GDA: variants seen among roughly 807,000 people sequenced by gnomAD.
GDA encodes cytoplasmic PSD-95 interactor.
In GDA, 18 loss-of-function variants were observed where a neutral mutation model predicts 59.6. That is an observed-to-expected ratio of 0.30 (90% CI 0.21 to 0.45). The LOEUF is 0.45. GDA is among the 20% of genes least tolerant of loss of function. The pLI, the probability that GDA is intolerant of heterozygous loss-of-function variation, is 1.00. For synonymous variants in GDA, 201 were observed against 201.1 expected, an observed-to-expected ratio of 1.00 and a Z score of 0.00; for missense variants, 427 against 552.3, an observed-to-expected ratio of 0.77 and a Z score of 2.27.
At chr9:72,214,101 G>A in intron 5 of GDA, 110 bp downstream of exon 5, 1 of 656,436 alleles carries the variant, frequency 1.5e-6, no homozygotes, top group Non-Finnish European at 2.7e-6. Context: ...CAGTTGGGAT[G>A]TGCACATAGT....
intron 1 of GDA, among the ~76,000 whole-genome samples, chr9:72,185,214 CTG>C (rs1169556703): frequency 6.6e-6 from 1 of 152,208 alleles, no homozygotes; most frequent in Non-Finnish European, 1.5e-5. Context: ...TTTAGGGAAA[CTG>C]TGCTGATCCT....
At chr9:72,166,290 A>G (rs1243298112) in intron 1 of GDA, among the ~76,000 whole-genome samples, 1 of 152,186 alleles carries the variant, frequency 6.6e-6, no homozygotes, top group Non-Finnish European at 1.5e-5. Flanking sequence ...TAAGGGAACA[A>G]GATTTGGAAA....
chr9:72,121,301 A>G (rs1263536499), intron 1 of GDA, among the ~76,000 whole-genome samples: 1 of 152,166 alleles, frequency 6.6e-6, no homozygotes, highest in African/African-American at 2.4e-5. Context: ...CTGTCTGAGC[A>G]TAAGATTCTA....
intron 2 of GDA, among the ~76,000 whole-genome samples, chr9:72,199,588 A>G (rs116593407): frequency 0.012 from 1,866 of 152,286 alleles, 35 homozygotes; most frequent in African/African-American, 0.041. Flanking sequence ...TCTGCACAGG[A>G]CTTTCTCAAA....
At chr9:72,150,218 C>A (rs1043943940) in intron 1 of GDA, among the ~76,000 whole-genome samples, 1 of 151,990 alleles carries the variant, frequency 6.6e-6, no homozygotes, top group Non-Finnish European at 1.5e-5. Flanking sequence ...AATATACTAA[C>A]GATGAAGGTT....
upstream of GDA, among the ~76,000 whole-genome samples, chr9:72,147,169 T>C (rs556389726): frequency 1.7e-3 from 256 of 152,334 alleles, 10 homozygotes; most frequent in South Asian, 0.05. Flanking sequence ...TAGCTTTTCA[T>C]GGTTTTCATC....
rs141301628 is a variant in GDA at position 72,209,061 on chromosome 9, CGTT to C, written c.385-1623_385-1621del. ...GCATTGTTAGTGAGAAATCCAATGTCGTTGTGAGTCCTGTCATTTATCTGTGAC... is the reference window on the plus strand; with the variant it reads ...GCATTGTTAGTGAGAAATCCAATGTCGTGAGTCCTGTCATTTATCTGTGAC... On this transcript the variant is annotated intron_variant, in intron 3 of 13. Coordinates refer to ENST00000358399, the MANE Select transcript of GDA (RefSeq NM_004293.5). Among the ~76,000 whole-genome samples, 260 of 149,282 alleles carry C rather than the reference CGTT, an allele frequency of 1.7e-3. 2 individuals carry two copies. The highest frequency in any genetic ancestry group is 6.1e-3 in the African/African-American group (250 of 40,882).
At position 72,197,898 on chromosome 9, in the gene GDA, A is replaced by G. The variant is rs548847850; in HGVS notation, c.212+2310A>G. Among the ~76,000 whole-genome samples, 62 of 152,186 alleles carry G rather than the reference A, an allele frequency of 4.1e-4. 1 individual carries two copies. The highest frequency in any genetic ancestry group is 3.4e-3 in the Middle Eastern group (1 of 294). On this transcript the variant is annotated intron_variant, in intron 2 of 13. Transcript: ENST00000358399. ...TACTGTCTGGATTTTTAGAAAAGGG[A>G]AATCACAACTGGAGTACCATGGGCA...
At chr9:72,163,554 A>G (rs7043791) in intron 1 of GDA, among the ~76,000 whole-genome samples, 29,173 of 150,382 alleles carry the variant, frequency 0.19, 3,296 homozygotes, top group African/African-American at 0.32. Context: ...GTGCAGTGGC[A>G]CGATCTCGGC....
At chr9:72,121,231 A>T (rs11788782) in intron 1 of GDA, among the ~76,000 whole-genome samples, 115,824 of 152,080 alleles carry the variant, frequency 0.76, 44,198 homozygotes, top group Middle Eastern at 0.8. Flanking sequence ...CTCCAAAAGG[A>T]TAAGCACCAA....
chr9:72,188,427 A>T (rs759346445), intron 1 of GDA, among the ~76,000 whole-genome samples: 23 of 152,294 alleles, frequency 1.5e-4, no homozygotes, highest in Non-Finnish European at 2.6e-4. Flanking sequence ...TGCTCCCACC[A>T]TGGCTCAAGC....
At chr9:72,146,630 A>C (rs148828499), upstream of GDA, among the ~76,000 whole-genome samples, 80 of 152,224 alleles carry the variant, frequency 5.3e-4, no homozygotes, top group African/African-American at 1.8e-3. Context: ...AGCTGGGACT[A>C]CAGGTGTGCG....
intron 1 of GDA, among the ~76,000 whole-genome samples, chr9:72,177,640 G>C (rs911841804): frequency 5.9e-5 from 9 of 151,980 alleles, no homozygotes; most frequent in Non-Finnish European, 1.5e-5. Flanking sequence ...CCTTCTTCTT[G>C]TATAACTAAT....
chr9:72,179,702 G>T (rs1830949540), intron 1 of GDA, among the ~76,000 whole-genome samples: 2 of 152,160 alleles, frequency 1.3e-5, no homozygotes, highest in South Asian at 4.1e-4. Context: ...GTAATTTATT[G>T]TCTTAGAATT....
intron 1 of GDA, among the ~76,000 whole-genome samples, chr9:72,130,751 T>C (rs1825998965): frequency 6.6e-6 from 1 of 152,136 alleles, no homozygotes; most frequent in Non-Finnish European, 1.5e-5. Flanking sequence ...TAGAGTGAAA[T>C]TGATTCTTGT....
At position 72,248,674 on chromosome 9, in the gene GDA, A is replaced by G. The variant is rs1840401445; in HGVS notation, c.*332A>G. On this transcript the variant is annotated 3_prime_UTR_variant, in exon 14 of 14. Coordinates refer to ENST00000358399, the MANE Select transcript of GDA (RefSeq NM_004293.5). ...CCTTTTTCATATTTGAAAATGTGGA[A>G]AGAAAAGATGTTCCTAAAAGGTTAG... 1.2e-5 allele frequency: 12 copies of G among 1,039,908 alleles called. No homozygotes were observed. 64.4% of individuals were successfully genotyped at this position (1,039,908 alleles called of 1,614,324 possible).
chr9:72,143,863 TG>T (rs1186758209), intron 1 of GDA, among the ~76,000 whole-genome samples: 2 of 152,344 alleles, frequency 1.3e-5, no homozygotes, highest in East Asian at 1.9e-4. Context: ...TATTTTTAAA[TG>T]TTCAAATCTT....
chr9:72,180,118 G>A (rs1831003212), intron 1 of GDA, among the ~76,000 whole-genome samples: 1 of 152,058 alleles, frequency 6.6e-6, no homozygotes. Flanking sequence ...CAGCACTTTG[G>A]GAGGCCAAGA....
At chr9:72,144,104 C>T (rs1371048029) in intron 1 of GDA, among the ~76,000 whole-genome samples, 1 of 152,178 alleles carries the variant, frequency 6.6e-6, no homozygotes, top group Non-Finnish European at 1.5e-5. Flanking sequence ...TGCCTGCAGT[C>T]TCAGCTACTG....
Sources: allele counts gnomAD v4.1 joint callset (sites outside exome capture counted in the v4.1 genomes callset), GRCh38; gene constraint gnomAD v4.1.1; transcripts MANE v1.5; gene names NCBI Gene and HGNC (gene_info 2026-07-23, HGNC 2026-07-21).